CCDC148: variants seen among roughly 807,000 people sequenced by gnomAD.
CCDC148 encodes coiled-coil domain containing 148.
Under a neutral mutation model 85.7 loss-of-function variants are expected in CCDC148, and 89 were observed. The observed-to-expected ratio is 1.04, with a 90% CI of 0.87 to 1.24. The LOEUF is 1.24. CCDC148 is among the 50% of genes most tolerant of loss of function. The pLI is 0.00. For synonymous variants in CCDC148, 230 were observed against 213.9 expected (o/e 1.08, Z -0.66); for missense variants, 692 against 671.7 (o/e 1.03, Z -0.33).
At chr2:158,418,818 C>T (rs551584347) in intron 1 of CCDC148, among the ~76,000 whole-genome samples, 1 of 152,012 alleles carries the variant, frequency 6.6e-6, no homozygotes, top group Admixed American at 6.6e-5. Flanking sequence ...AGAATAATGC[C>T]TGGCATATAG....
intron 1 of CCDC148, among the ~76,000 whole-genome samples, chr2:158,395,912 A>G (rs1307582002): frequency 6.6e-6 from 1 of 152,134 alleles, no homozygotes; most frequent in African/African-American, 2.4e-5. Context: ...GAATACAATC[A>G]TTATTACTTA....
intron 11 of CCDC148, among the ~76,000 whole-genome samples, chr2:158,195,221 C>T (rs1202924370): frequency 6.6e-6 from 1 of 152,044 alleles, no homozygotes; most frequent in Non-Finnish European, 1.5e-5. Context: ...TTTCTACACA[C>T]TCTCAGACAC....
At chr2:158,402,101 T>C (rs956931440) in intron 1 of CCDC148, among the ~76,000 whole-genome samples, 2 of 152,076 alleles carry the variant, frequency 1.3e-5, no homozygotes, top group African/African-American at 4.8e-5. Context: ...CTAACATCTG[T>C]CTTTTACAAA....
chr2:158,381,536 C>T (rs1684868616), intron 1 of CCDC148, among the ~76,000 whole-genome samples: 1 of 152,106 alleles, frequency 6.6e-6, no homozygotes, highest in South Asian at 2.1e-4. Context: ...ACTGGAACAA[C>T]TTCTTTAGAA....
chr2:158,329,028 A>G (rs1692947128), intron 7 of CCDC148, among the ~76,000 whole-genome samples: 1 of 152,054 alleles, frequency 6.6e-6, no homozygotes, highest in Non-Finnish European at 1.5e-5. Flanking sequence ...ACTAGATCCC[A>G]TTTGTCAGTT....
chr2:158,308,154 T>C (rs974016260), intron 9 of CCDC148, among the ~76,000 whole-genome samples: 1 of 152,270 alleles, frequency 6.6e-6, no homozygotes, highest in African/African-American at 2.4e-5. Flanking sequence ...TATGAAATTA[T>C]TGATTGTTGA....
Position 158,456,743 on chromosome 2 carries a change from T to C in CCDC148, c.-304A>G, listed in dbSNP as rs1688780286. 2.4e-6 allele frequency: 1 copy of C among 410,742 alleles called. No homozygotes were observed. Among genetic ancestry groups the C allele is most frequent in the Non-Finnish European group, 4.4e-6 (1 of 226,350 alleles). The allele number at this position is 410,742 out of a possible 1,614,324, so 25.4% of individuals were successfully genotyped here. ...CCAGGCCCTCTCGCGCTGAACAGCA[T>C]CGGTCTCTATGGCGACCTGAAACCG... On this transcript the variant is annotated 5_prime_UTR_variant, in exon 1 of 14. The change abolishes an upstream ATG in the 5' untranslated region. Transcript: ENST00000283233.
At chr2:158,199,884 A>G (rs1005840367) in intron 11 of CCDC148, among the ~76,000 whole-genome samples, 2 of 152,194 alleles carry the variant, frequency 1.3e-5, no homozygotes, top group African/African-American at 4.8e-5. Flanking sequence ...ATAAACATCT[A>G]TTTTTCTGCC....
At chr2:158,198,990 G>A (rs1471868782) in intron 11 of CCDC148, among the ~76,000 whole-genome samples, 1 of 152,132 alleles carries the variant, frequency 6.6e-6, no homozygotes, top group African/African-American at 2.4e-5. Flanking sequence ...AAAACCAGAG[G>A]CAGGGACCTT....
At chr2:158,290,075 A>G (rs1052400843) in intron 9 of CCDC148, among the ~76,000 whole-genome samples, 3 of 152,200 alleles carry the variant, frequency 2.0e-5, no homozygotes, top group African/African-American at 7.2e-5. Context: ...AAGTATTTGA[A>G]TAAAGGGTAG....
intron 9 of CCDC148, among the ~76,000 whole-genome samples, chr2:158,283,094 G>A (rs189082393): frequency 0.017 from 2,608 of 152,228 alleles, 29 homozygotes; most frequent in Middle Eastern, 0.078. Context: ...AGCTGAAACC[G>A]GATCCCTTCC....
intron 7 of CCDC148, among the ~76,000 whole-genome samples, chr2:158,319,034 G>A (rs1692410095): frequency 6.6e-6 from 1 of 152,026 alleles, no homozygotes; most frequent in Non-Finnish European, 1.5e-5. Context: ...CCAAAGTGCT[G>A]GAATTACAGG....
chr2:158,438,010 G>A (rs2105339398), intron 1 of CCDC148, among the ~76,000 whole-genome samples: 1 of 152,262 alleles, frequency 6.6e-6, no homozygotes, highest in African/African-American at 2.4e-5. Context: ...CCATGCCCAT[G>A]GGTAGGAAGA....
chr2:158,218,133 T>A (rs1412465009), intron 11 of CCDC148, among the ~76,000 whole-genome samples: 1 of 152,222 alleles, frequency 6.6e-6, no homozygotes. Context: ...CCTTTTTCAC[T>A]GATTTTCCAC....
intron 11 of CCDC148, among the ~76,000 whole-genome samples, chr2:158,209,567 A>C (rs1362262345): frequency 1.3e-5 from 2 of 152,150 alleles, no homozygotes; most frequent in East Asian, 1.9e-4. Flanking sequence ...CCAGAGAGAA[A>C]GGTTGGGTTA....
intron 1 of CCDC148, among the ~76,000 whole-genome samples, chr2:158,431,667 G>A (rs79928267): frequency 0.18 from 26,892 of 152,194 alleles, 3,108 homozygotes; most frequent in Middle Eastern, 0.26. Context: ...GCCAAGCACA[G>A]TGGCTCATGC....
chr2:158,304,452 G>C (rs1313446219), intron 9 of CCDC148, among the ~76,000 whole-genome samples: 1 of 152,100 alleles, frequency 6.6e-6, no homozygotes, highest in Non-Finnish European at 1.5e-5. Context: ...TTTTCTATCT[G>C]TCAGGTTCCC....
intron 1 of CCDC148, among the ~76,000 whole-genome samples, chr2:158,449,516 C>T (rs895116187): frequency 2.0e-5 from 3 of 151,414 alleles, no homozygotes; most frequent in Non-Finnish European, 2.9e-5. Context: ...GGTAGGATCT[C>T]GGCTCACTGC....
At chr2:158,214,368 T>TA (rs538750023) in intron 11 of CCDC148, among the ~76,000 whole-genome samples, 6 of 151,990 alleles carry the variant, frequency 3.9e-5, no homozygotes, top group Non-Finnish European at 7.4e-5. Flanking sequence ...TGTTGCAACA[T>TA]AAAAAATGAA....
Sources: gnomAD v4.1 joint callset for allele counts (sites outside exome capture counted in the v4.1 genomes callset) on GRCh38, gnomAD v4.1.1 for gene constraint, MANE v1.5 for transcripts, NCBI Gene and HGNC (gene_info 2026-07-23, HGNC 2026-07-21) for gene names.